Variants in IGF1R observed in about 807,000 individuals in gnomAD.
IGF1R encodes insulin-like growth factor 1 receptor.
A neutral mutation model predicts 144.6 loss-of-function variants in IGF1R; 44 were observed. The ratio of observed to expected loss-of-function variants is 0.30; its 90% CI spans 0.24 to 0.39. The LOEUF is 0.39. IGF1R is among the 10% of genes least tolerant of loss of function. The pLI is 1.00. For missense variants in IGF1R, 1,355 were observed against 1,833.7 expected, an observed-to-expected ratio of 0.74 and a Z score of 4.77; for synonymous variants, 795 against 722.8, an observed-to-expected ratio of 1.10 and a Z score of -1.60.
intron 18 of IGF1R, among the ~76,000 whole-genome samples, chr15:98,942,162 G>C (rs1183187222): frequency 1.3e-5 from 2 of 152,106 alleles, no homozygotes; most frequent in Non-Finnish European, 2.9e-5. Flanking sequence ...ATTAAGCAGT[G>C]AAATTATTTA....
At chr15:98,840,249 C>T (rs115988828) in intron 2 of IGF1R, among the ~76,000 whole-genome samples, 190 of 152,254 alleles carry the variant, frequency 1.2e-3, no homozygotes, top group African/African-American at 4.2e-3. Flanking sequence ...GTGAGAGCCT[C>T]GTGATGAAAG....
At chr15:98,790,155 T>C (rs1007603731) in intron 2 of IGF1R, among the ~76,000 whole-genome samples, 3 of 152,156 alleles carry the variant, frequency 2.0e-5, no homozygotes, top group Non-Finnish European at 4.4e-5. Flanking sequence ...GGCTTGGTCA[T>C]TGCAGTGTGT....
chr15:98,667,465 C>T (rs2052772388), intron 1 of IGF1R, among the ~76,000 whole-genome samples: 1 of 152,240 alleles, frequency 6.6e-6, no homozygotes, highest in Admixed American at 6.5e-5. Flanking sequence ...AGAGGCTTCG[C>T]CTTACAGGCC....
At chr15:98,703,833 A>G (rs987135335) in intron 1 of IGF1R, among the ~76,000 whole-genome samples, 6 of 152,250 alleles carry the variant, frequency 3.9e-5, no homozygotes, top group African/African-American at 1.2e-4. Flanking sequence ...TTGTTTCACT[A>G]GGTACTGAAT....
In IGF1R at chr15:98,961,742, C is replaced by G. The variant is rs1184131733; in HGVS notation, c.*4300C>G. The G allele has an allele frequency of 4.3e-6, 1 of 233,514 alleles. No homozygotes were observed. Among genetic ancestry groups the G allele is most frequent in the South Asian group, 1.8e-4 (1 of 5,538 alleles). 14.5% of individuals were successfully genotyped at this position (233,514 alleles called of 1,614,324 possible). On this transcript the variant is annotated 3_prime_UTR_variant, in exon 21 of 21. Transcript: ENST00000650285. ...TACTGGAGACACTGTTGAACTTGAT[C>G]AAGACCCAGACCACCCCAGGTCTCC...
At chr15:98,904,564 G>T (rs2014639457) in intron 5 of IGF1R, among the ~76,000 whole-genome samples, 1 of 152,034 alleles carries the variant, frequency 6.6e-6, no homozygotes, top group Non-Finnish European at 1.5e-5. Flanking sequence ...TTTGCAGATG[G>T]ATTGGTGGGA....
intron 2 of IGF1R, among the ~76,000 whole-genome samples, chr15:98,763,696 G>T (rs1403256869): frequency 6.6e-5 from 10 of 152,134 alleles, no homozygotes; most frequent in East Asian, 1.9e-4. Context: ...GTTACAACTG[G>T]GTTAAGTGGT....
At chr15:98,765,719 T>C (rs1190492227) in intron 2 of IGF1R, among the ~76,000 whole-genome samples, 1 of 152,180 alleles carries the variant, frequency 6.6e-6, no homozygotes, top group African/African-American at 2.4e-5. Flanking sequence ...ACTTACCAGC[T>C]GATCTTATGT....
At chr15:98,821,261 T>C (rs2056796278) in intron 2 of IGF1R, among the ~76,000 whole-genome samples, 1 of 151,906 alleles carries the variant, frequency 6.6e-6, no homozygotes, top group African/African-American at 2.4e-5. Context: ...TTTTTATAGT[T>C]GTCTTTTATT....
At chr15:98,653,705 G>A (rs74035312) in intron 1 of IGF1R, among the ~76,000 whole-genome samples, 1,534 of 152,338 alleles carry the variant, frequency 0.01, 34 homozygotes, top group African/African-American at 0.035. Context: ...AAAAGACCTA[G>A]AGAATAATTG....
chr15:98,811,019 G>C (rs887014021), intron 2 of IGF1R, among the ~76,000 whole-genome samples: 1 of 151,914 alleles, frequency 6.6e-6, no homozygotes, highest in African/African-American at 2.4e-5. Flanking sequence ...TTCTTTCTCT[G>C]GCTGGACGCG....
chr15:98,787,202 C>G (rs2056018717), intron 2 of IGF1R, among the ~76,000 whole-genome samples: 1 of 152,178 alleles, frequency 6.6e-6, no homozygotes, highest in South Asian at 2.1e-4. Context: ...TCTGGGCACA[C>G]CTGTCTCTGT....
intron 2 of IGF1R, among the ~76,000 whole-genome samples, chr15:98,715,502 G>A (rs2054092254): frequency 6.6e-6 from 1 of 152,164 alleles, no homozygotes; most frequent in African/African-American, 2.4e-5. Flanking sequence ...TTCTTCCTGT[G>A]CTTGAAAAGC....
chr15:98,717,703 A>T (rs2054152454), intron 2 of IGF1R, among the ~76,000 whole-genome samples: 1 of 152,216 alleles, frequency 6.6e-6, no homozygotes, highest in Non-Finnish European at 1.5e-5. Context: ...ATTTGGGAGC[A>T]TTTAAGAAAT....
At chr15:98,869,532 T>G (rs1354965942) in intron 2 of IGF1R, among the ~76,000 whole-genome samples, 1 of 150,886 alleles carries the variant, frequency 6.6e-6, no homozygotes, top group African/African-American at 2.4e-5. Flanking sequence ...ACCTCTCGGG[T>G]TCAAGCGATT....
intron 2 of IGF1R, among the ~76,000 whole-genome samples, chr15:98,876,570 T>C (rs1163427097): frequency 6.6e-6 from 1 of 152,218 alleles, no homozygotes; most frequent in Non-Finnish European, 1.5e-5. Context: ...AAATAAAATA[T>C]GAGCCAACAG....
intron 9 of IGF1R, 79 bp downstream of exon 9, chr15:98,916,210 A>G: frequency 7.3e-7 from 1 of 1,367,398 alleles, no homozygotes. Context: ...CCCTAATATT[A>G]CACGTATCAG....
intron 2 of IGF1R, among the ~76,000 whole-genome samples, chr15:98,829,847 C>G (rs950379163): frequency 1.3e-5 from 2 of 152,170 alleles, no homozygotes; most frequent in African/African-American, 4.8e-5. Context: ...TTGGTGAAAC[C>G]TGATAACCTT....
intron 2 of IGF1R, among the ~76,000 whole-genome samples, chr15:98,875,909 C>G (rs931726759): frequency 6.6e-6 from 1 of 152,124 alleles, no homozygotes; most frequent in African/African-American, 2.4e-5. Flanking sequence ...ATACGCATCA[C>G]GTCTGAAGGG....
Sources: gnomAD v4.1 joint callset for allele counts (sites outside exome capture counted in the v4.1 genomes callset) on GRCh38, gnomAD v4.1.1 for gene constraint, MANE v1.5 for transcripts, NCBI Gene and HGNC (gene_info 2026-07-23, HGNC 2026-07-21) for gene names.